ZBTB44: variants seen among roughly 807,000 people sequenced by gnomAD.
ZBTB44 encodes zinc finger and BTB domain containing 44.
Under a neutral mutation model 54.0 loss-of-function variants are expected in ZBTB44, and 15 were observed. The ratio of observed to expected loss-of-function variants is 0.28; its 90% CI spans 0.19 to 0.43. The LOEUF (loss-of-function observed/expected upper bound fraction) is 0.43, where lower values mean the gene tolerates loss of function less well. Among genes scored for constraint, ZBTB44 ranks in the 20% least tolerant of loss-of-function variants. The pLI, the probability that ZBTB44 is intolerant of heterozygous loss-of-function variation, is 1.00. For synonymous variants in ZBTB44, 230 were observed against 250.1 expected, an observed-to-expected ratio of 0.92 and a Z score of 0.76; for missense variants, 487 against 707.1, an observed-to-expected ratio of 0.69 and a Z score of 3.53.
chr11:130,232,617 C>G (rs1953919722), intron 7 of ZBTB44: 1 of 152,104 alleles, frequency 6.6e-6, no homozygotes, highest in African/African-American at 2.4e-5. Context: ...TGTGTAAAAA[C>G]TATAGTTAAC....
Position 130,289,778 on chromosome 11 carries a change from CTGT to C in ZBTB44, c.-57+24594_-57+24596del, listed in dbSNP as rs369855941. ...ATTGCTAATTTAACCAACTCTGAGGCTGTTTTTTGTTTTAAATAAATGTCCGTA... is the reference window on the plus strand; with the variant it reads ...ATTGCTAATTTAACCAACTCTGAGGCTTTTTGTTTTAAATAAATGTCCGTA... On this transcript the variant is annotated intron_variant, in intron 1 of 7. Transcript: ENST00000357899. Among the ~76,000 whole-genome samples the C allele has an allele frequency of 2.6e-4, 39 of 152,262 alleles. No homozygotes were observed. In the East Asian group the frequency reaches 7.5e-3, roughly 29 times the overall value.
chr11:130,268,840 A>C (rs1199109296), intron 1 of ZBTB44, among the ~76,000 whole-genome samples: 1 of 151,416 alleles, frequency 6.6e-6, no homozygotes, highest in Admixed American at 6.6e-5. Flanking sequence ...TCAGCCTCCC[A>C]AAGCGCTGGG....
chr11:130,226,818 T>C lies in ZBTB44; in HGVS notation c.*4946A>G, dbSNP rs1402712332. ...CTAACTGCAACTTTATGTGTGACCA[T>C]GTAATAAAGGCCAGTTTAAAGATTT... On this transcript the variant is annotated 3_prime_UTR_variant, in exon 8 of 8. Coordinates refer to ENST00000357899, the MANE Select transcript of ZBTB44 (RefSeq NM_001301098.2). The C allele has an allele frequency of 6.6e-6, 1 of 152,146 alleles. No individual in the cohort carries two copies. The highest frequency in any genetic ancestry group is 1.5e-5 in the Non-Finnish European group (1 of 68,022). 9.4% of individuals were successfully genotyped at this position (152,146 alleles called of 1,614,324 possible). A position where few individuals can be genotyped will look rare whatever the true frequency, so the allele number is the denominator to read the frequency against.
chr11:130,261,397 G>C lies in ZBTB44; in HGVS notation c.477C>G (p.Ser159Arg). 6.2e-7 allele frequency: 1 copy of C among 1,613,972 alleles called. No homozygotes were observed. The highest frequency in any genetic ancestry group is 8.5e-7 in the Non-Finnish European group (1 of 1,179,900). ...SNCNFTSRDG[S>R]ISPVSSECSV... Reference sequence around the variant, plus strand: ...TGCACTCTGAGGACACGGGAGAAATGCTCCCATCTCGAGAAGTAAAATTGC... The same window carrying C: ...TGCACTCTGAGGACACGGGAGAAATCCTCCCATCTCGAGAAGTAAAATTGC... Residue 159 changes from serine (S) to arginine (R), a missense_variant, in exon 2 of 8, where the codon AGC (serine) becomes AGG (arginine). Ser to Arg is a moderately radical substitution (Grantham distance 110). Around this residue, in one of 3 missense-constraint regions of ZBTB44, gnomAD observed 277 missense variants for 306.5 expected, o/e 0.90. Transcript: ENST00000357899. The surrounding 1 kb of genome is among the most constrained non-coding windows in gnomAD (Gnocchi z 4.8).
chr11:130,263,519 A>G (rs1004802431), intron 1 of ZBTB44, among the ~76,000 whole-genome samples: 2 of 152,230 alleles, frequency 1.3e-5, no homozygotes, highest in Admixed American at 6.5e-5. Flanking sequence ...TGAATTAGTT[A>G]TAATCCAGGG....
chr11:130,256,332 A>G (rs980392152), intron 2 of ZBTB44, among the ~76,000 whole-genome samples: 1 of 152,214 alleles, frequency 6.6e-6, no homozygotes, highest in Non-Finnish European at 1.5e-5. Flanking sequence ...AAACAGAACC[A>G]ATGACAAAAA....
chr11:130,237,697 TAAAAC>T (rs1052274793), intron 4 of ZBTB44, among the ~76,000 whole-genome samples: 3 of 152,208 alleles, frequency 2.0e-5, no homozygotes, highest in African/African-American at 7.2e-5. Flanking sequence ...GAAAAAATTT[TAAAAC>T]CTTTCAAAAC....
chr11:130,232,998 A>C (rs922964234), intron 7 of ZBTB44: 1 of 238,054 alleles, frequency 4.2e-6, no homozygotes, highest in Non-Finnish European at 8.0e-6. Context: ...GTGAGATGCC[A>C]TTCTTTTAAA....
At chr11:130,252,564 G>T (rs541491914) in intron 2 of ZBTB44, among the ~76,000 whole-genome samples, 2 of 152,064 alleles carry the variant, frequency 1.3e-5, no homozygotes, top group African/African-American at 4.8e-5. Context: ...AACGGAAATC[G>T]TAACAAACAG....
At chr11:130,280,944 C>T (rs903739414) in intron 1 of ZBTB44, among the ~76,000 whole-genome samples, 5 of 152,128 alleles carry the variant, frequency 3.3e-5, no homozygotes, top group African/African-American at 4.8e-5. Context: ...GACAATCTCG[C>T]CTTTTTAGCA....
intron 1 of ZBTB44, among the ~76,000 whole-genome samples, chr11:130,299,716 A>T (rs1941888476): frequency 6.6e-6 from 1 of 152,230 alleles, no homozygotes; most frequent in Non-Finnish European, 1.5e-5. Context: ...GTGGGAATGT[A>T]AAATGGCATA....
intron 3 of ZBTB44, chr11:130,239,362 TG>T (rs1256825791): frequency 6.5e-6 from 1 of 154,836 alleles, no homozygotes; most frequent in Non-Finnish European, 1.4e-5. Flanking sequence ...GAGGGAGTTA[TG>T]GGTATACAGA....
At chr11:130,312,326 G>C (rs1279303906) in intron 1 of ZBTB44, among the ~76,000 whole-genome samples, 2 of 152,196 alleles carry the variant, frequency 1.3e-5, no homozygotes, top group Non-Finnish European at 2.9e-5. Flanking sequence ...CAACAGATCA[G>C]TAGTCAGCAC....
chr11:130,239,538 T>C (rs1337583734), intron 3 of ZBTB44: 1 of 277,886 alleles, frequency 3.6e-6, no homozygotes, highest in Non-Finnish European at 7.0e-6. Context: ...ATAAAGGTGG[T>C]AGGCTGGAAT....
Position 130,236,349 on chromosome 11 carries a change from T to C in ZBTB44, c.1568+444A>G, listed in dbSNP as rs866827339. The C allele has an allele frequency of 1.3e-4, 102 of 760,478 alleles. 1 individual carries two copies. The South Asian group carries it at 1.6e-3, about 12-fold the overall frequency. 47.1% of individuals were successfully genotyped at this position (760,478 alleles called of 1,614,324 possible). ...TAGTTGCCTTTGAAATTTTTCTTAC[T>C]GGCCAATGGCTATTCCTTTATATAG... is the stretch of plus-strand genomic sequence containing the variant. On this transcript the variant is annotated intron_variant, in intron 5 of 7. Transcript: ENST00000357899.
intron 1 of ZBTB44, chr11:130,296,374 A>T: frequency 6.5e-7 from 1 of 1,530,170 alleles, no homozygotes; most frequent in Non-Finnish European, 8.8e-7. Context: ...TACCACTATG[A>T]GTTGCTGAAC....
At chr11:130,293,534 C>A (rs959981714) in intron 1 of ZBTB44, among the ~76,000 whole-genome samples, 8 of 148,758 alleles carry the variant, frequency 5.4e-5, no homozygotes, top group African/African-American at 2.0e-4. Context: ...AATCCCAGCA[C>A]TTTGGGAGGC....
chr11:130,297,945 T>TA (rs1207532894), intron 1 of ZBTB44, among the ~76,000 whole-genome samples: 6 of 151,998 alleles, frequency 3.9e-5, no homozygotes, highest in Non-Finnish European at 8.8e-5. Flanking sequence ...ACACTTTAAA[T>TA]AAAAAAAGAC....
chr11:130,268,859 T>A (rs1360442087), intron 1 of ZBTB44, among the ~76,000 whole-genome samples: 1 of 150,106 alleles, frequency 6.7e-6, no homozygotes, highest in Non-Finnish European at 1.5e-5. Context: ...GGATTACAGG[T>A]GTGAGCCATC....
Sources: allele counts gnomAD v4.1 joint callset (sites outside exome capture counted in the v4.1 genomes callset), GRCh38; gene constraint gnomAD v4.1.1; regional missense constraint gnomAD v4.1.1; non-coding constraint Gnocchi (gnomAD v3.1); transcripts MANE v1.5; gene names NCBI Gene and HGNC (gene_info 2026-07-23, HGNC 2026-07-21).